The following GPC5 variants were observed in gnomAD, a reference collection of about 807,000 sequenced individuals.
GPC5 encodes glypican-5.
GPC5 carries 47 observed loss-of-function variants against 53.9 expected under a neutral mutation model. The ratio of observed to expected loss-of-function variants is 0.87; its 90% CI spans 0.69 to 1.11. The LOEUF is 1.11. Ranked by LOEUF, GPC5 falls within the 50% of genes most tolerant of loss-of-function variation. The pLI, the probability that GPC5 is intolerant of heterozygous loss-of-function variation, is 0.00. For missense variants in GPC5, 748 were observed against 713.1 expected (o/e 1.05, Z -0.56); for synonymous variants, 286 against 263.3 (o/e 1.09, Z -0.84).
chr13:91,746,179 G>A (rs914162916), intron 4 of GPC5, among the ~76,000 whole-genome samples: 2 of 152,126 alleles, frequency 1.3e-5, no homozygotes, highest in African/African-American at 4.8e-5. Context: ...TCTCTACAGG[G>A]TTGAGCCTGC....
At position 91,774,331 on chromosome 13, in the gene GPC5, T is replaced by C. The variant is rs373742671; in HGVS notation, c.1280+17911T>C. ...AGCTGCTTCAAAAGAAATTCCCTAC[T>C]GAAGAATTTCTATGTGATTTTAGCT... On this transcript the variant is annotated intron_variant, in intron 5 of 7. Coordinates refer to ENST00000377067, the MANE Select transcript of GPC5 (RefSeq NM_004466.6). 1.5e-3 allele frequency among the ~76,000 whole-genome samples: 232 copies of C among 152,302 alleles called. 1 individual carries two copies. The Middle Eastern group carries it at 0.037, about 25-fold the overall frequency.
chr13:92,642,457 A>G (rs1447933777), intron 7 of GPC5, among the ~76,000 whole-genome samples: 2 of 152,146 alleles, frequency 1.3e-5, no homozygotes. Flanking sequence ...CTTCCATTAC[A>G]TGGTAGTCCA....
chr13:92,404,107 TGTGA>T (rs1875686555), intron 7 of GPC5, among the ~76,000 whole-genome samples: 1 of 152,194 alleles, frequency 6.6e-6, no homozygotes, highest in African/African-American at 2.4e-5. Context: ...ATATTTGAAA[TGTGA>T]GTGATTTCAA....
At chr13:91,437,328 A>G (rs1425478993) in intron 1 of GPC5, among the ~76,000 whole-genome samples, 11 of 152,204 alleles carry the variant, frequency 7.2e-5, no homozygotes, top group East Asian at 1.9e-4. Flanking sequence ...GCTGGTACCA[A>G]TTGTTCCTTT....
chr13:91,922,882 C>A (rs1183139215), intron 6 of GPC5, among the ~76,000 whole-genome samples: 1 of 5,442 alleles, frequency 1.8e-4, no homozygotes, highest in Non-Finnish European at 2.8e-4. Context: ...TTTGGCAGAT[C>A]TTACTCCTAA....
intron 5 of GPC5, among the ~76,000 whole-genome samples, chr13:91,883,671 G>T (rs1185643004): frequency 6.6e-6 from 1 of 152,202 alleles, no homozygotes; most frequent in Admixed American, 6.5e-5. Context: ...GATGATGGCA[G>T]AGAAATAAGC....
chr13:91,863,394 C>CT (rs1196727673), intron 5 of GPC5, among the ~76,000 whole-genome samples: 2 of 152,004 alleles, frequency 1.3e-5, no homozygotes, highest in South Asian at 2.1e-4. Context: ...TTTCTTTATT[C>CT]TTTTTTGTTT....
At chr13:91,945,082 A>G (rs2039962372) in intron 6 of GPC5, among the ~76,000 whole-genome samples, 1 of 152,246 alleles carries the variant, frequency 6.6e-6, no homozygotes, top group Admixed American at 6.5e-5. Context: ...ATACACCGTA[A>G]TATAAATATA....
chr13:92,076,667 A>G (rs1446515355), intron 6 of GPC5, among the ~76,000 whole-genome samples: 3 of 151,430 alleles, frequency 2.0e-5, no homozygotes, highest in Non-Finnish European at 4.4e-5. Flanking sequence ...TTTACCCTAT[A>G]TAGCATGACT....
At chr13:92,119,897 A>C (rs2041634755) in intron 6 of GPC5, among the ~76,000 whole-genome samples, 1 of 152,150 alleles carries the variant, frequency 6.6e-6, no homozygotes, top group Non-Finnish European at 1.5e-5. Flanking sequence ...AATAGAAAGA[A>C]TAAAGAGGAA....
chr13:92,425,710 T>G (rs1281483197), intron 7 of GPC5, among the ~76,000 whole-genome samples: 1 of 152,094 alleles, frequency 6.6e-6, no homozygotes, highest in African/African-American at 2.4e-5. Flanking sequence ...TTAATCAACT[T>G]TAGACAGTGC....
chr13:91,845,546 A>G lies in GPC5; in HGVS notation c.1281-62391A>G, dbSNP rs145650441. On this transcript the variant is annotated intron_variant, in intron 5 of 7. Transcript: ENST00000377067. Reference sequence around the variant, plus strand: ...GGTATACAGTACAGTATTATTAACTATAATCCACAGTTATTTAGTCATTTA... The same window carrying G: ...GGTATACAGTACAGTATTATTAACTGTAATCCACAGTTATTTAGTCATTTA... 4.1e-3 allele frequency among the ~76,000 whole-genome samples: 629 copies of G among 152,292 alleles called. 7 individuals carry two copies. The highest frequency in any genetic ancestry group is 0.014 in the African/African-American group (578 of 41,566).
chr13:92,176,477 C>G (rs914804165), intron 7 of GPC5, among the ~76,000 whole-genome samples: 3 of 152,158 alleles, frequency 2.0e-5, no homozygotes, highest in Non-Finnish European at 2.9e-5. Context: ...AAGGTTCAAC[C>G]TCAACAACAG....
intron 5 of GPC5, among the ~76,000 whole-genome samples, chr13:91,877,970 G>T (rs551370997): frequency 1.3e-5 from 2 of 152,038 alleles, no homozygotes; most frequent in African/African-American, 4.8e-5. Flanking sequence ...AGGAGTTTTC[G>T]CTTTTGCTTC....
chr13:91,762,309 AT>A (rs34722954), intron 5 of GPC5, among the ~76,000 whole-genome samples: 8,155 of 146,102 alleles, frequency 0.056, 392 homozygotes, highest in East Asian at 0.23. Context: ...TGTTAACCTC[AT>A]TTTTTTTTTT....
chr13:92,826,034 T>C (rs78784492), intron 7 of GPC5, among the ~76,000 whole-genome samples: 1 of 152,140 alleles, frequency 6.6e-6, no homozygotes, highest in Non-Finnish European at 1.5e-5. Context: ...GTGAATATTT[T>C]CATGCATATT....
In GPC5 at chr13:91,693,641, C is replaced by A; in HGVS notation, c.780C>A (p.His260Gln). Residue 260 changes from histidine (H) to glutamine (Q), a missense_variant, in exon 3 of 8, where the codon CAC becomes CAA. Transcript: ENST00000377067. The part of the protein sequence containing the change: ...RALLKMQYCP[H>Q]CQGLALTKPC... ...TCCTGAAGATGCAATACTGCCCGCA[C>A]TGCCAAGGCCTGGCGCTCACTAAGC... 1 of 1,614,100 alleles carries A rather than the reference C, an allele frequency of 6.2e-7. No individual in the cohort carries two copies. The highest frequency in any genetic ancestry group is 8.5e-7 in the Non-Finnish European group (1 of 1,179,968).
intron 6 of GPC5, chr13:91,996,002 G>A (rs1421044946): frequency 6.6e-6 from 1 of 152,218 alleles, no homozygotes; most frequent in Non-Finnish European, 1.5e-5. Context: ...ATTATGGGCA[G>A]TTCCCTCTTT....
intron 2 of GPC5, among the ~76,000 whole-genome samples, chr13:91,527,828 C>A (rs2138642811): frequency 6.6e-6 from 1 of 152,348 alleles, no homozygotes; most frequent in African/African-American, 2.4e-5. Flanking sequence ...TGCAAGCCAC[C>A]AAGACTTGGG....
Sources: gnomAD v4.1 joint callset for allele counts (sites outside exome capture counted in the v4.1 genomes callset) on GRCh38, gnomAD v4.1.1 for gene constraint, MANE v1.5 for transcripts, NCBI Gene and HGNC (gene_info 2026-07-23, HGNC 2026-07-21) for gene names.